The following TRAPPC9 variants were observed in gnomAD, a reference collection of about 807,000 sequenced individuals.
TRAPPC9 encodes the protein IKK2 binding protein.
Under a neutral mutation model 124.0 loss-of-function variants are expected in TRAPPC9, and 83 were observed. The observed-to-expected ratio is 0.67, with a 90% CI of 0.56 to 0.80. The LOEUF (loss-of-function observed/expected upper bound fraction) is 0.80, where lower values mean the gene tolerates loss of function less well. TRAPPC9 is among the 30% of genes least tolerant of loss of function. The pLI is 0.00. For synonymous variants in TRAPPC9, 638 were observed against 617.5 expected (o/e 1.03, Z -0.49); for missense variants, 1,302 against 1,508.3 (o/e 0.86, Z 2.27).
At chr8:139,775,087 T>C (rs1278390631) in intron 21 of TRAPPC9, among the ~76,000 whole-genome samples, 1 of 152,102 alleles carries the variant, frequency 6.6e-6, no homozygotes, top group Non-Finnish European at 1.5e-5. Flanking sequence ...GAAGCATCCT[T>C]GGGGCTGTCC....
At chr8:140,267,750 T>C (rs1000952751) in intron 15 of TRAPPC9, among the ~76,000 whole-genome samples, 1 of 152,212 alleles carries the variant, frequency 6.6e-6, no homozygotes, top group Admixed American at 6.5e-5. Flanking sequence ...CACAGCAACC[T>C]CTGCCTCCTG....
At chr8:140,431,631 C>A (rs1295552042) in intron 4 of TRAPPC9, among the ~76,000 whole-genome samples, 1 of 152,108 alleles carries the variant, frequency 6.6e-6, no homozygotes, top group Non-Finnish European at 1.5e-5. Context: ...GACTGCCACG[C>A]TAAACATTTT....
At chr8:140,223,174 C>G (rs867968078) in intron 16 of TRAPPC9, among the ~76,000 whole-genome samples, 41 of 152,280 alleles carry the variant, frequency 2.7e-4, no homozygotes, top group Middle Eastern at 3.4e-3. Flanking sequence ...CCTCCCCTCA[C>G]TCCACCCCAC....
intron 17 of TRAPPC9, among the ~76,000 whole-genome samples, chr8:140,147,902 C>A (rs2061486744): frequency 6.6e-6 from 1 of 152,258 alleles, no homozygotes; most frequent in Non-Finnish European, 1.5e-5. Flanking sequence ...GTTGCCACCT[C>A]GTGCCAGGCA....
chr8:140,297,025 C>T (rs186727198), intron 11 of TRAPPC9, among the ~76,000 whole-genome samples: 350 of 152,320 alleles, frequency 2.3e-3, no homozygotes, highest in Non-Finnish European at 2.6e-3. Flanking sequence ...AAGACGCCCT[C>T]CAGAGAGGAA....
chr8:140,074,686 G>A lies in TRAPPC9; in HGVS notation c.2557-50607C>T, dbSNP rs374812657. 3.3e-5 allele frequency among the ~76,000 whole-genome samples: 5 copies of A among 152,316 alleles called. No homozygotes were observed. In the East Asian group the frequency reaches 9.7e-4, roughly 29 times the overall value. ...GGGCCAATTCCTTAGGAGAAGACAAGCAGGATCAAGCTGTGAAAGACCTCA... is the reference window on the plus strand; with the variant it reads ...GGGCCAATTCCTTAGGAGAAGACAAACAGGATCAAGCTGTGAAAGACCTCA... On this transcript the variant is annotated intron_variant, in intron 17 of 22. Coordinates refer to ENST00000438773, the MANE Select transcript of TRAPPC9 (RefSeq NM_001160372.4).
chr8:140,047,447 C>T (rs1042900989), intron 17 of TRAPPC9, among the ~76,000 whole-genome samples: 9 of 152,242 alleles, frequency 5.9e-5, no homozygotes, highest in African/African-American at 2.2e-4. Flanking sequence ...TGGCAGCCCA[C>T]AGGGTGAAAG....
chr8:140,334,628 C>T (rs777634394), intron 9 of TRAPPC9, among the ~76,000 whole-genome samples: 22 of 150,660 alleles, frequency 1.5e-4, no homozygotes, highest in South Asian at 2.1e-4. Context: ...ACAGCTTGGG[C>T]GACAGAGCGA....
intron 21 of TRAPPC9, among the ~76,000 whole-genome samples, chr8:139,759,624 T>C (rs1449044582): frequency 6.6e-6 from 1 of 152,150 alleles, no homozygotes; most frequent in African/African-American, 2.4e-5. Flanking sequence ...CTGAGACAGA[T>C]GAGCGCTGTT....
chr8:139,845,627 T>A (rs1422534173), intron 21 of TRAPPC9, among the ~76,000 whole-genome samples: 1 of 152,192 alleles, frequency 6.6e-6, no homozygotes, highest in African/African-American at 2.4e-5. Flanking sequence ...CCTCCTTTCC[T>A]CCATGCTCCC....
At chr8:139,756,683 G>C (rs1262662229) in intron 21 of TRAPPC9, among the ~76,000 whole-genome samples, 2 of 74,204 alleles carry the variant, frequency 2.7e-5, no homozygotes, top group South Asian at 5.3e-4. Flanking sequence ...TGAGGACAGT[G>C]TGTCGCAGGA....
chr8:139,942,166 A>G (rs763306231), intron 19 of TRAPPC9, among the ~76,000 whole-genome samples: 1 of 152,224 alleles, frequency 6.6e-6, no homozygotes, highest in Non-Finnish European at 1.5e-5. Context: ...CGGGATGGTA[A>G]TAACAGGGGG....
intron 15 of TRAPPC9, among the ~76,000 whole-genome samples, chr8:140,272,414 A>ATGG (rs912614286): frequency 9.3e-5 from 10 of 107,538 alleles, no homozygotes; most frequent in Admixed American, 2.9e-4. Context: ...GATAATGGTG[A>ATGG]TGGTGATGGT....
At chr8:140,183,890 AGGAGAGGAGAGGAGAGG>A (rs1563825898) in intron 17 of TRAPPC9, among the ~76,000 whole-genome samples, 1 of 16,286 alleles carries the variant, frequency 6.1e-5, no homozygotes, top group African/African-American at 2.8e-4. Flanking sequence ...GAAGAAGAAG[AGGAGAGGAGAGGAGAGG>A]AGAGGAGAGG....
intron 15 of TRAPPC9, among the ~76,000 whole-genome samples, chr8:140,253,164 C>A (rs1271044036): frequency 6.6e-6 from 1 of 152,164 alleles, no homozygotes; most frequent in Non-Finnish European, 1.5e-5. Flanking sequence ...TCTAGAGGCA[C>A]CGAGCTCAAG....
chr8:139,901,888 A>C (rs950560311), intron 20 of TRAPPC9, among the ~76,000 whole-genome samples: 4 of 152,146 alleles, frequency 2.6e-5, no homozygotes, highest in Non-Finnish European at 4.4e-5. Flanking sequence ...GGATAAAACT[A>C]CTTCAGAGAG....
chr8:140,223,090 G>C (rs1251708987), intron 16 of TRAPPC9, among the ~76,000 whole-genome samples: 1 of 152,142 alleles, frequency 6.6e-6, no homozygotes, highest in Non-Finnish European at 1.5e-5. Flanking sequence ...GTGCCATGGT[G>C]GTTTGCTGCA....
At chr8:139,810,819 C>T (rs1383055487) in intron 21 of TRAPPC9, among the ~76,000 whole-genome samples, 1 of 149,236 alleles carries the variant, frequency 6.7e-6, no homozygotes, top group Non-Finnish European at 1.5e-5. Context: ...AGAGGACAGA[C>T]CAGGCCAGAG....
intron 7 of TRAPPC9, among the ~76,000 whole-genome samples, chr8:140,386,867 T>A (rs1282466606): frequency 6.6e-6 from 1 of 152,218 alleles, no homozygotes; most frequent in Non-Finnish European, 1.5e-5. Flanking sequence ...AAGTCAGTCG[T>A]AAGCCAAAAG....
Sources: gnomAD v4.1 joint callset for allele counts (sites outside exome capture counted in the v4.1 genomes callset) on GRCh38, gnomAD v4.1.1 for gene constraint, MANE v1.5 for transcripts, NCBI Gene and HGNC (gene_info 2026-07-23, HGNC 2026-07-21) for gene names.